ZNF490: variants seen among roughly 807,000 people sequenced by gnomAD.
ZNF490 encodes the protein zinc finger protein 490.
ZNF490 carries 11 observed loss-of-function variants against 17.7 expected under a neutral mutation model. That is an observed-to-expected ratio of 0.62 (90% CI 0.39 to 1.03). ZNF490 has a LOEUF of 1.03. ZNF490 is among the 50% of genes least tolerant of loss of function. The probability of loss-of-function intolerance (pLI) is 0.00; values close to 1 mark genes in which losing one functional copy is unlikely to be tolerated. For missense variants in ZNF490, 542 were observed against 643.4 expected (o/e 0.84, Z 1.71); for synonymous variants, 222 against 216.1 (o/e 1.03, Z -0.24).
Position 12,609,156 on chromosome 19 carries a change from A to G in ZNF490, c.162+2T>C. 1 of 1,614,072 alleles carries G rather than the reference A, an allele frequency of 6.2e-7. No individual in the cohort carries two copies. Among genetic ancestry groups the G allele is most frequent in the Non-Finnish European group, 8.5e-7 (1 of 1,179,946 alleles). ...ACGCTGACAGGTAGCGATCTCACTT[A>G]CAGTTTGAGTCTTGATGCTTTGTCC... On this transcript the variant is annotated splice_donor_variant, in intron 2 of 4. Coordinates refer to ENST00000311437, the MANE Select transcript of ZNF490 (RefSeq NM_020714.3). LOFTEE classifies it high-confidence loss of function.
At position 12,607,990 on chromosome 19, in the gene ZNF490, C is replaced by T. The variant is rs769754037; in HGVS notation, c.162+1168G>A. Among the ~76,000 whole-genome samples, 8 of 152,160 alleles carry T rather than the reference C, an allele frequency of 5.3e-5. No homozygotes were observed. In the South Asian group the frequency reaches 1.4e-3, roughly 28 times the overall value. ...GCCAAGGAACCCAGGATTCACAGAACAGTCAATAACCAAATCGTGGTTTTA... is the reference window on the plus strand; with the variant it reads ...GCCAAGGAACCCAGGATTCACAGAATAGTCAATAACCAAATCGTGGTTTTA... On this transcript the variant is annotated intron_variant, in intron 2 of 4. Transcript: ENST00000311437.
At chr19:12,593,394 C>T (rs865810549) in intron 2 of ZNF490, among the ~76,000 whole-genome samples, 1 of 151,944 alleles carries the variant, frequency 6.6e-6, no homozygotes, top group African/African-American at 2.4e-5. Context: ...ATTACAGGCA[C>T]GAGCCACCAC....
intron 2 of ZNF490, among the ~76,000 whole-genome samples, chr19:12,608,066 C>T (rs1472505367): frequency 6.6e-6 from 1 of 152,130 alleles, no homozygotes; most frequent in Non-Finnish European, 1.5e-5. Context: ...TGCATGAAGG[C>T]TGTAGTCATT....
chr19:12,591,808 C>G (rs1300559699), intron 2 of ZNF490, among the ~76,000 whole-genome samples: 3 of 151,388 alleles, frequency 2.0e-5, no homozygotes, highest in Non-Finnish European at 4.4e-5. Context: ...AAATGATACT[C>G]CCACTTTGAA....
intron 2 of ZNF490, among the ~76,000 whole-genome samples, chr19:12,593,593 ACAAT>A: frequency 6.6e-6 from 1 of 152,314 alleles, no homozygotes; most frequent in Middle Eastern, 3.4e-3. Flanking sequence ...CAACTCTTAG[ACAAT>A]CACTCAAGAG....
At position 12,581,135 on chromosome 19, in the gene ZNF490, C is replaced by T; in HGVS notation, c.940G>A (p.Ala314Thr). 2 of 1,614,192 alleles carry T rather than the reference C, an allele frequency of 1.2e-6. No individual in the cohort carries two copies. Among genetic ancestry groups the T allele is most frequent in the Non-Finnish European group, 1.7e-6 (2 of 1,180,040 alleles). Reference protein sequence around the residue: ...KPYECKQCGKAFSCPTYLRSH... With the variant: ...KPYECKQCGKTFSCPTYLRSH... ...CGTAAGTACGTGGGACAACTGAAGGCTTTCCCACATTGCTTACATTCATAA... is the reference window on the plus strand; with the variant it reads ...CGTAAGTACGTGGGACAACTGAAGGTTTTCCCACATTGCTTACATTCATAA... The change falls in exon 5 of 5, where the codon GCC (alanine) becomes ACC (threonine). Residue 314 changes from alanine (A) to threonine (T), a missense_variant. Ala to Thr is a moderately conservative substitution (Grantham distance 58, BLOSUM62 0). Transcript: ENST00000311437.
At chr19:12,591,850 A>C (rs1215621084) in intron 2 of ZNF490, among the ~76,000 whole-genome samples, 2 of 151,516 alleles carry the variant, frequency 1.3e-5, no homozygotes, top group Non-Finnish European at 1.5e-5. Flanking sequence ...AAAAAAACAC[A>C]CTCTTAAATT....
At chr19:12,595,413 T>C (rs558366283) in intron 2 of ZNF490, among the ~76,000 whole-genome samples, 153 of 151,920 alleles carry the variant, frequency 1.0e-3, no homozygotes, top group African/African-American at 3.5e-3. Flanking sequence ...ATGTCCAGCC[T>C]TTTTTTTAGT....
intron 1 of ZNF490, chr19:12,609,836 G>A (rs981901928): frequency 4.3e-5 from 18 of 422,970 alleles, no homozygotes; most frequent in African/African-American, 3.7e-4. Flanking sequence ...CCAATAGGTT[G>A]GACAGAGAGG....
rs1013049910 is a variant in ZNF490, at chr19:12,580,824, A to C, written c.1251T>G (p.Thr417=). The C allele has an allele frequency of 6.2e-7, 1 of 1,613,978 alleles. No individual in the cohort carries two copies. Among genetic ancestry groups the C allele is most frequent in the African/African-American group, 1.3e-5 (1 of 74,904 alleles). ...CTTTACCACATTCTTTACATTCGTA[A>C]GTTTTCTCGCCAGTGTGAACTCTTT... ...LHERVHTGEK[T]YECKECGKAF... Residue 417 remains threonine, a synonymous_variant, in exon 5 of 5, where the codon ACT becomes ACG. Coordinates refer to ENST00000311437, the MANE Select transcript of ZNF490 (RefSeq NM_020714.3).
chr19:12,580,553 C>A lies in ZNF490; in HGVS notation c.1522G>T (p.Gly508Cys). Reference protein sequence around the residue: ...GERPFQCRQCGKAFSYSKSLH... With the variant: ...GERPFQCRQCCKAFSYSKSLH... ...GACTTTGAGTAACTGAAGGCTTTAC[C>A]ACATTGTCTACACTGAAAGGGTCTT... Residue 508 changes from glycine to cysteine, a missense_variant, in exon 5 of 5, where the codon GGT (glycine) becomes TGT (cysteine). Gly to Cys is a radical substitution (Grantham distance 159, BLOSUM62 -3). Transcript: ENST00000311437. 6.2e-7 allele frequency: 1 copy of A among 1,613,826 alleles called. No homozygotes were observed. The highest frequency in any genetic ancestry group is 8.5e-7 in the Non-Finnish European group (1 of 1,179,898).
At chr19:12,591,939 T>C (rs561774811) in intron 2 of ZNF490, among the ~76,000 whole-genome samples, 3 of 152,146 alleles carry the variant, frequency 2.0e-5, no homozygotes, top group Admixed American at 6.6e-5. Flanking sequence ...TGCACATGAA[T>C]GCTTATAGTT....
chr19:12,604,832 A>AT (rs1034625672), intron 2 of ZNF490, among the ~76,000 whole-genome samples: 76 of 151,338 alleles, frequency 5.0e-4, no homozygotes, highest in African/African-American at 1.7e-3. Context: ...CTCAAAAAAA[A>AT]AATAATAATA....
Position 12,582,873 on chromosome 19 carries a change from G to A in ZNF490, c.327C>T (p.His109=). 6.2e-7 allele frequency: 1 copy of A among 1,613,040 alleles called. No individual in the cohort carries two copies. Among genetic ancestry groups the A allele is most frequent in the Non-Finnish European group, 8.5e-7 (1 of 1,179,448 alleles). ...ACCTTAGATTTCTTCCCTGGTTTTTGTGTTCATCTTCAATATCCTGGTCTT... is the reference window on the plus strand; with the variant it reads ...ACCTTAGATTTCTTCCCTGGTTTTTATGTTCATCTTCAATATCCTGGTCTT... ...KWKDQDIEDE[H]KNQGRNLRSP... Residue 109 remains histidine, a synonymous_variant, in exon 4 of 5, where the codon CAC becomes CAT. Transcript: ENST00000311437.
intron 2 of ZNF490, among the ~76,000 whole-genome samples, chr19:12,595,770 C>G (rs113333310): frequency 0.017 from 2,643 of 151,102 alleles, 55 homozygotes; most frequent in African/African-American, 0.056. Flanking sequence ...GCCAACCTGG[C>G]GAAACCCCAT....
intron 2 of ZNF490, among the ~76,000 whole-genome samples, chr19:12,601,730 G>C (rs552293912): frequency 2.6e-5 from 4 of 151,888 alleles, no homozygotes; most frequent in East Asian, 1.9e-4. Flanking sequence ...CGGTGGCATA[G>C]GCCTGTAATC....
At chr19:12,595,601 T>C (rs1304511367) in intron 2 of ZNF490, among the ~76,000 whole-genome samples, 2 of 152,066 alleles carry the variant, frequency 1.3e-5, no homozygotes. Flanking sequence ...ATTTTTTTCC[T>C]CCAGAAAACC....
In ZNF490 at chr19:12,576,999, A is replaced by C. The variant is rs1030822866; in HGVS notation, c.*3486T>G. Among the ~76,000 whole-genome samples, 1 of 152,050 alleles carries C rather than the reference A, an allele frequency of 6.6e-6. No individual in the cohort carries two copies. Among genetic ancestry groups the C allele is most frequent in the Non-Finnish European group, 1.5e-5 (1 of 68,010 alleles). On this transcript the variant is annotated 3_prime_UTR_variant, in exon 5 of 5. Transcript: ENST00000311437. ...AGCCCAGATACTAAAAGATTCTCCC[A>C]AATAGAAGGACCCCAGGTGTTCTGA...
intron 2 of ZNF490, among the ~76,000 whole-genome samples, chr19:12,596,980 C>T (rs2022942178): frequency 6.6e-6 from 1 of 152,164 alleles, no homozygotes; most frequent in Admixed American, 6.5e-5. Context: ...GGGGCCGGGG[C>T]CGCAATCGCA....
Sources: allele counts gnomAD v4.1 joint callset (sites outside exome capture counted in the v4.1 genomes callset), GRCh38; gene constraint gnomAD v4.1.1; transcripts MANE v1.5; gene names NCBI Gene and HGNC (gene_info 2026-07-23, HGNC 2026-07-21).